MTMR9: variants seen among roughly 807,000 people sequenced by gnomAD.
The protein encoded by MTMR9 is myotubularin related protein 9.
Under a neutral mutation model 69.5 loss-of-function variants are expected in MTMR9, and 39 were observed. That is an observed-to-expected ratio of 0.56 (90% CI 0.43 to 0.73). The LOEUF (loss-of-function observed/expected upper bound fraction) is 0.73. Ranked by LOEUF, MTMR9 falls within the 30% of genes least tolerant of loss-of-function variation. The probability of loss-of-function intolerance (pLI) is 0.00; values close to 1 mark genes in which losing one functional copy is unlikely to be tolerated. For synonymous variants in MTMR9, 354 were observed against 240.8 expected (o/e 1.47, Z -4.35); for missense variants, 900 against 671.2 (o/e 1.34, Z -3.77).
At chr8:11,329,306 T>A (rs1801093114), downstream of MTMR9, among the ~76,000 whole-genome samples, 2 of 152,194 alleles carry the variant, frequency 1.3e-5, no homozygotes, top group African/African-American at 4.8e-5. Context: ...AGTGGGAAGA[T>A]CACTTGAGCC....
At chr8:11,332,543 C>T (rs55762109), downstream of MTMR9, among the ~76,000 whole-genome samples, 94 of 151,020 alleles carry the variant, frequency 6.2e-4, no homozygotes, top group Non-Finnish European at 1.1e-3. Context: ...CTGAAACGTG[C>T]GACAACTGAG....
chr8:11,324,181 T>G lies in MTMR9; in HGVS notation c.*1393T>G, dbSNP rs991674683. ...TGAACCCTGCTTTAGAGCTGTGTGTTGAGCTAAAAATATAATTTTTTAAAA... is the reference window on the plus strand; with the variant it reads ...TGAACCCTGCTTTAGAGCTGTGTGTGGAGCTAAAAATATAATTTTTTAAAA... On this transcript the variant is annotated 3_prime_UTR_variant, in exon 10 of 10. Coordinates refer to ENST00000221086, the MANE Select transcript of MTMR9 (RefSeq NM_015458.4). The G allele has an allele frequency of 6.6e-6, 1 of 152,184 alleles. No homozygotes were observed. The highest frequency in any genetic ancestry group is 2.4e-5 in the African/African-American group (1 of 41,452). 9.4% of individuals were successfully genotyped at this position (152,184 alleles called of 1,614,324 possible).
At position 11,316,825 on chromosome 8, in the gene MTMR9, C is replaced by T; in HGVS notation, c.1266C>T (p.Leu422=). ...PCSFEFNENF[L]IMLFEHAYAS... The stretch of plus-strand genomic sequence containing the variant: ...CTTTTGAGTTTAATGAGAATTTCCT[C>T]ATCATGCTCTTTGAGCATGCTTATG... The change falls in exon 8 of 10, where the codon CTC becomes CTT. Residue 422 remains leucine, a synonymous_variant. Coordinates refer to ENST00000221086, the MANE Select transcript of MTMR9 (RefSeq NM_015458.4). The T allele has an allele frequency of 1.9e-6, 3 of 1,613,790 alleles. No homozygotes were observed. The highest frequency in any genetic ancestry group is 2.5e-6 in the Non-Finnish European group (3 of 1,179,828).
intron 9 of MTMR9, chr8:11,320,766 C>G: frequency 6.6e-6 from 1 of 152,138 alleles, no homozygotes; most frequent in Non-Finnish European, 1.5e-5. Flanking sequence ...TAACCAAAAT[C>G]TATCTGAACT....
At position 11,319,933 on chromosome 8, in the gene MTMR9, C is replaced by G; in HGVS notation, c.1486+95C>G. ...GTTGGTGATGTATGAAGATGGTGAG[C>G]TGGACGTGGCCCTCAGACCTGTGTG... is the stretch of plus-strand genomic sequence containing the variant. On this transcript the variant is annotated intron_variant, in intron 9 of 9. Coordinates refer to ENST00000221086, the MANE Select transcript of MTMR9 (RefSeq NM_015458.4). 18 of 1,309,836 alleles carry G rather than the reference C, an allele frequency of 1.4e-5. No homozygotes were observed. In the South Asian group the frequency reaches 2.3e-4, roughly 17 times the overall value. The allele number at this position is 1,309,836 out of a possible 1,614,324, so 81.1% of individuals were successfully genotyped here. A position where few individuals can be genotyped will look rare whatever the true frequency, so the allele number is the denominator to read the frequency against.
At chr8:11,336,259 G>C in the MTMR9 span, among the ~76,000 whole-genome samples, 3 of 152,170 alleles carry the variant, frequency 2.0e-5, no homozygotes, top group African/African-American at 7.2e-5. Context: ...ATGTTGCTGA[G>C]TCTATGCATA....
In MTMR9 at chr8:11,298,796, T is replaced by C. The variant is rs866502794; in HGVS notation, c.292-1227T>C. The stretch of plus-strand genomic sequence containing the variant: ...TGAGAAGGATGAATCTGCCTAGTGA[T>C]AGAGACTTTCCTTCTCTCTGTTCCT... On this transcript the variant is annotated intron_variant, in intron 2 of 9. Transcript: ENST00000221086. 48 of 980,310 alleles carry C rather than the reference T, an allele frequency of 4.9e-5. No individual in the cohort carries two copies. In the Admixed American group the frequency reaches 8.2e-4, roughly 17 times the overall value. 60.7% of individuals were successfully genotyped at this position (980,310 alleles called of 1,614,324 possible).
At position 11,300,048 on chromosome 8, in the gene MTMR9, C is replaced by G. The variant is rs1799698492; in HGVS notation, c.317C>G (p.Thr106Ser). The G allele has an allele frequency of 6.2e-7, 1 of 1,613,496 alleles. No homozygotes were observed. The highest frequency in any genetic ancestry group is 1.1e-5 in the South Asian group (1 of 91,064). ...IEALSTLDSI[T>S]LMYPFFYRPM... The stretch of plus-strand genomic sequence containing the variant: ...GCATTGTCTACTCTGGACTCCATCA[C>G]TCTGATGTACCCTTTCTTTTACCGT... Residue 106 changes from threonine (T) to serine (S), a missense_variant, in exon 3 of 10, where the codon ACT becomes AGT. Physicochemically the swap from Thr to Ser is moderately conservative, Grantham distance 58 (BLOSUM62 1). Transcript: ENST00000221086.
In MTMR9 at chr8:11,322,920, T is replaced by C; in HGVS notation, c.*132T>C. The C allele has an allele frequency of 1.4e-6, 1 of 705,394 alleles. No individual in the cohort carries two copies. 43.7% of individuals were successfully genotyped at this position (705,394 alleles called of 1,614,324 possible). A position where few individuals can be genotyped will look rare whatever the true frequency, so the allele number is the denominator to read the frequency against. ...TAGATGTGGGACCCCCCTAATGTAA[T>C]GGATTTCTCAATACTGTATGAATAA... is the stretch of plus-strand genomic sequence containing the variant. On this transcript the variant is annotated 3_prime_UTR_variant, in exon 10 of 10. Coordinates refer to ENST00000221086, the MANE Select transcript of MTMR9 (RefSeq NM_015458.4).
Position 11,293,491 on chromosome 8 carries a change from T to G in MTMR9, c.183-1703T>G, listed in dbSNP as rs1799437628. Among the ~76,000 whole-genome samples, 5 of 152,224 alleles carry G rather than the reference T, an allele frequency of 3.3e-5. No individual in the cohort carries two copies. In the South Asian group the frequency reaches 1.0e-3, roughly 32 times the overall value. ...TGAAGTCCTCAATAGCCTACAGGAA[T>G]GCCCCGTGGCTTACCTTTTCATGCT... On this transcript the variant is annotated intron_variant, in intron 1 of 9. Coordinates refer to ENST00000221086, the MANE Select transcript of MTMR9 (RefSeq NM_015458.4).
chr8:11,316,083 G>A (rs1800401515), intron 7 of MTMR9: 1 of 152,216 alleles, frequency 6.6e-6, no homozygotes, highest in South Asian at 2.1e-4. Flanking sequence ...GACTCTTGCT[G>A]TTCATTTTGG....
intron 5 of MTMR9, among the ~76,000 whole-genome samples, chr8:11,308,688 G>A (rs916949668): frequency 1.3e-5 from 2 of 152,160 alleles, no homozygotes; most frequent in African/African-American, 4.8e-5. Flanking sequence ...GATATCAGTT[G>A]TAATATCTCA....
intron 1 of MTMR9, among the ~76,000 whole-genome samples, chr8:11,290,046 A>G (rs1444137704): frequency 2.6e-5 from 4 of 152,202 alleles, no homozygotes; most frequent in African/African-American, 9.7e-5. Flanking sequence ...ATTGCTTTCC[A>G]GGATGACAAT....
intron 5 of MTMR9, among the ~76,000 whole-genome samples, chr8:11,307,300 G>T (rs1253591216): frequency 6.6e-6 from 1 of 152,128 alleles, no homozygotes; most frequent in Non-Finnish European, 1.5e-5. Flanking sequence ...TCGAACTCCT[G>T]ACCTCAAGTG....
At chr8:11,306,868 G>A (rs1350032474) in intron 5 of MTMR9, among the ~76,000 whole-genome samples, 2 of 151,852 alleles carry the variant, frequency 1.3e-5, no homozygotes, top group East Asian at 1.9e-4. Flanking sequence ...CTCCTACCCC[G>A]ACCCCTCCTG....
At chr8:11,302,352 G>C (rs564839029) in intron 3 of MTMR9, among the ~76,000 whole-genome samples, 32 of 142,422 alleles carry the variant, frequency 2.2e-4, no homozygotes, top group African/African-American at 8.1e-4. Flanking sequence ...TAATTCTCCA[G>C]AATCAGTAGA....
At chr8:11,301,950 G>C (rs1799760816) in intron 3 of MTMR9, among the ~76,000 whole-genome samples, 1 of 151,946 alleles carries the variant, frequency 6.6e-6, no homozygotes, top group African/African-American at 2.4e-5. Context: ...TTATTACATG[G>C]GAGTTTAGGA....
chr8:11,297,091 C>T (rs907472054), intron 2 of MTMR9, among the ~76,000 whole-genome samples: 1 of 152,120 alleles, frequency 6.6e-6, no homozygotes, highest in African/African-American at 2.4e-5. Context: ...TTCTAGACTA[C>T]TATAGGAACG....
the MTMR9 span, among the ~76,000 whole-genome samples, chr8:11,336,921 A>G: frequency 3.9e-5 from 6 of 152,176 alleles, no homozygotes; most frequent in Non-Finnish European, 7.3e-5. Context: ...AAAGTCAGAT[A>G]ACTCCCAGTT....
Sources: gnomAD v4.1 joint callset for allele counts (sites outside exome capture counted in the v4.1 genomes callset) on GRCh38, gnomAD v4.1.1 for gene constraint, MANE v1.5 for transcripts, NCBI Gene and HGNC (gene_info 2026-07-23, HGNC 2026-07-21) for gene names.